The following ASAP2 variants were observed in gnomAD, a reference collection of about 807,000 sequenced individuals.
ASAP2 encodes the protein ArfGAP with SH3 domain, ankyrin repeat and PH domain 2, also known as arf-GAP with SH3 domain, ANK repeat and PH domain-containing protein 2.
A neutral mutation model predicts 131.4 loss-of-function variants in ASAP2; 45 were observed. The ratio of observed to expected loss-of-function variants is 0.34; its 90% CI spans 0.27 to 0.44. The LOEUF is 0.44. ASAP2 is among the 20% of genes least tolerant of loss of function. The pLI, the probability that ASAP2 is intolerant of heterozygous loss-of-function variation, is 1.00. For synonymous variants in ASAP2, 510 were observed against 503.0 expected, an observed-to-expected ratio of 1.01 and a Z score of -0.19; for missense variants, 1,011 against 1,297.0, an observed-to-expected ratio of 0.78 and a Z score of 3.39.
intron 1 of ASAP2, among the ~76,000 whole-genome samples, chr2:9,256,452 A>G (rs1330227098): frequency 6.6e-6 from 1 of 152,220 alleles, no homozygotes; most frequent in Non-Finnish European, 1.5e-5. Context: ...AGCAGTCAAT[A>G]TATGTTTCAG....
chr2:9,402,141 CTTCT>C (rs1676759153), intron 27 of ASAP2, among the ~76,000 whole-genome samples: 1 of 152,248 alleles, frequency 6.6e-6, no homozygotes, highest in Non-Finnish European at 1.5e-5. Flanking sequence ...TTTAGGGGAA[CTTCT>C]TTGTCGAGTG....
At chr2:9,219,878 G>A (rs1224077076) in intron 1 of ASAP2, among the ~76,000 whole-genome samples, 1 of 152,056 alleles carries the variant, frequency 6.6e-6, no homozygotes, top group Non-Finnish European at 1.5e-5. Context: ...ACCTGTACCC[G>A]AGTCCTTGGC....
rs546862626 is a variant in ASAP2 at position 9,254,527 on chromosome 2, A to ATTTTTTT, written c.127-24770_127-24764dup. Among the ~76,000 whole-genome samples the ATTTTTTT allele has an allele frequency of 2.4e-3, 68 of 28,002 alleles. 13 individuals carry two copies. The highest frequency in any genetic ancestry group is 8.0e-3 in the African/African-American group (62 of 7,776). 18.4% of individuals were successfully genotyped at this position (28,002 alleles called of 152,430 possible). A position where few individuals can be genotyped will look rare whatever the true frequency, so the allele number is the denominator to read the frequency against. ...ACCACTACCCCCAGCTAATTTTTGG[A>ATTTTTTT]TTTTTTTTTTTTTTTTTTTTTTTTT... On this transcript the variant is annotated intron_variant, in intron 1 of 27. Coordinates refer to ENST00000281419, the MANE Select transcript of ASAP2 (RefSeq NM_003887.3).
intron 2 of ASAP2, among the ~76,000 whole-genome samples, chr2:9,280,121 C>T (rs2148313814): frequency 1.3e-5 from 2 of 152,308 alleles, no homozygotes; most frequent in East Asian, 3.9e-4. Flanking sequence ...GGGGAGCTTG[C>T]CCGTGCTCAG....
At chr2:9,301,336 T>C (rs1352595427) in intron 3 of ASAP2, among the ~76,000 whole-genome samples, 1 of 152,230 alleles carries the variant, frequency 6.6e-6, no homozygotes, top group East Asian at 1.9e-4. Flanking sequence ...GGTGAGATTC[T>C]CACCTGCAGA....
At chr2:9,227,592 T>C (rs903189445) in intron 1 of ASAP2, among the ~76,000 whole-genome samples, 4 of 152,202 alleles carry the variant, frequency 2.6e-5, no homozygotes, top group African/African-American at 9.7e-5. Flanking sequence ...GTTTAACGGC[T>C]CTGTAAAATA....
At chr2:9,326,829 T>G (rs1434646350) in intron 6 of ASAP2, among the ~76,000 whole-genome samples, 1 of 152,256 alleles carries the variant, frequency 6.6e-6, no homozygotes, top group Non-Finnish European at 1.5e-5. Context: ...GTTGCCATTG[T>G]TTACTTTTAT....
At chr2:9,354,477 GA>G (rs1672556900) in intron 12 of ASAP2, among the ~76,000 whole-genome samples, 2 of 152,142 alleles carry the variant, frequency 1.3e-5, no homozygotes, top group South Asian at 4.2e-4. Flanking sequence ...TTACACGTCA[GA>G]ATGCAGAAAT....
At chr2:9,252,788 C>T (rs1465830502) in intron 1 of ASAP2, among the ~76,000 whole-genome samples, 6 of 150,814 alleles carry the variant, frequency 4.0e-5, no homozygotes, top group South Asian at 4.2e-4. Context: ...TGGTGGCGGG[C>T]GCCTGTAATC....
At chr2:9,375,322 G>T (rs1674318195) in intron 17 of ASAP2, among the ~76,000 whole-genome samples, 1 of 152,050 alleles carries the variant, frequency 6.6e-6, no homozygotes, top group Non-Finnish European at 1.5e-5. Context: ...CAGGTCTGTG[G>T]AATCAGCAGT....
chr2:9,388,403 A>C lies in ASAP2; in HGVS notation c.2240A>C (p.Lys747Thr). 6.2e-7 allele frequency: 1 copy of C among 1,614,114 alleles called. No homozygotes were observed. The highest frequency in any genetic ancestry group is 8.5e-7 in the Non-Finnish European group (1 of 1,180,012). The change falls in exon 22 of 28, where the codon AAG becomes ACG. Residue 747 changes from lysine to threonine, a missense_variant. By Grantham distance (78) the Lys-to-Thr change is moderately conservative. Transcript: ENST00000281419. The stretch of plus-strand genomic sequence containing the variant: ...GCCAGAGATGCTGCAAACCTTGCCA[A>C]GGAGAAGCAGAGGGCTTTCATGCCC... ...SLARDAANLA[K>T]EKQRAFMPSI...
At position 9,335,030 on chromosome 2, in the gene ASAP2, C is replaced by T. The variant is rs1275199518; in HGVS notation, c.763-63C>T. 2.7e-5 allele frequency: 41 copies of T among 1,535,842 alleles called. No homozygotes were observed. The South Asian group carries it at 2.7e-4, about 10-fold the overall frequency. Reference sequence around the variant, plus strand: ...GTGGAAATGGCCCCATGAGCACCAACGTTTCACTGTACCTCAGTCTTAATT... The same window carrying T: ...GTGGAAATGGCCCCATGAGCACCAATGTTTCACTGTACCTCAGTCTTAATT... On this transcript the variant is annotated intron_variant, in intron 8 of 27. Transcript: ENST00000281419.
At chr2:9,322,252 CTCT>C (rs1322364537) in intron 5 of ASAP2, among the ~76,000 whole-genome samples, 2 of 152,156 alleles carry the variant, frequency 1.3e-5, no homozygotes, top group Non-Finnish European at 2.9e-5. Flanking sequence ...CATTTCTTGC[CTCT>C]TCTTAAACAC....
At chr2:9,226,743 C>T (rs1050307460) in intron 1 of ASAP2, among the ~76,000 whole-genome samples, 17 of 152,208 alleles carry the variant, frequency 1.1e-4, no homozygotes, top group African/African-American at 3.4e-4. Context: ...AAGAACACGC[C>T]GTCCGTCCAC....
chr2:9,237,565 C>T (rs543231004), intron 1 of ASAP2, among the ~76,000 whole-genome samples: 2 of 152,192 alleles, frequency 1.3e-5, no homozygotes, highest in East Asian at 3.9e-4. Context: ...GTACATGCCA[C>T]CATGCCTGGC....
rs561188020 is a variant in ASAP2 at position 9,282,166 on chromosome 2, G to A, written c.199+2777G>A. On this transcript the variant is annotated intron_variant, in intron 2 of 27. Coordinates refer to ENST00000281419, the MANE Select transcript of ASAP2 (RefSeq NM_003887.3). ...GGGCTCATGTCCTTTTTGAGGCCCC[G>A]CACATAACAGCCTGGCATGTGACCT... Among the ~76,000 whole-genome samples, 15 of 152,202 alleles carry A rather than the reference G, an allele frequency of 9.9e-5. No individual in the cohort carries two copies. The South Asian group carries it at 2.7e-3, about 27-fold the overall frequency.
chr2:9,347,876 C>T lies in ASAP2; in HGVS notation c.1024-2932C>T, dbSNP rs1397083651. ...CAGTCATGAAGAAAGAAGAAAACAC[C>T]TTCCTTCTAAAAGCCTGACAAATCG... On this transcript the variant is annotated intron_variant, in intron 11 of 27. Transcript: ENST00000281419. 2.0e-5 allele frequency among the ~76,000 whole-genome samples: 3 copies of T among 152,136 alleles called. No homozygotes were observed. In the East Asian group the frequency reaches 5.8e-4, roughly 29 times the overall value.
At chr2:9,344,008 T>C (rs1296023866) in intron 9 of ASAP2, among the ~76,000 whole-genome samples, 1 of 152,270 alleles carries the variant, frequency 6.6e-6, no homozygotes, top group Non-Finnish European at 1.5e-5. Context: ...CTTGTTGATG[T>C]TCACATGTGT....
intron 1 of ASAP2, among the ~76,000 whole-genome samples, chr2:9,273,526 C>T (rs1327255278): frequency 6.6e-6 from 1 of 152,190 alleles, no homozygotes; most frequent in African/African-American, 2.4e-5. Context: ...TCACGCAGAG[C>T]CAGCTGTGCA....
Sources: gnomAD v4.1 joint callset for allele counts (sites outside exome capture counted in the v4.1 genomes callset) on GRCh38, gnomAD v4.1.1 for gene constraint, MANE v1.5 for transcripts, NCBI Gene and HGNC (gene_info 2026-07-23, HGNC 2026-07-21) for gene names.